Variants in MYLK4 observed in about 807,000 individuals in gnomAD.
MYLK4 encodes caMLCK like.
MYLK4 carries 46 observed loss-of-function variants against 48.1 expected under a neutral mutation model. The ratio of observed to expected loss-of-function variants is 0.96; its 90% CI spans 0.75 to 1.22. MYLK4 has a LOEUF of 1.22. Ranked by LOEUF, MYLK4 falls within the 50% of genes most tolerant of loss-of-function variation. The probability of loss-of-function intolerance (pLI) is 0.00; values close to 1 mark genes in which losing one functional copy is unlikely to be tolerated. For missense variants in MYLK4, 451 were observed against 486.1 expected (o/e 0.93, Z 0.68); for synonymous variants, 170 against 180.8 (o/e 0.94, Z 0.48).
At chr6:2,752,142 C>T (rs1471595980), upstream of MYLK4, among the ~76,000 whole-genome samples, 2 of 152,206 alleles carry the variant, frequency 1.3e-5, no homozygotes, top group Non-Finnish European at 2.9e-5. Flanking sequence ...CTCCAGCAAA[C>T]CAACCACAGG....
intron 3 of MYLK4, 39 bp from the exon 4 acceptor site, chr6:2,688,995 A>T (rs780029587): frequency 6.4e-7 from 1 of 1,558,718 alleles, no homozygotes. Flanking sequence ...TCTGTCAAGA[A>T]GTCTGACCTC....
At position 2,749,400 on chromosome 6, in the gene MYLK4, C is replaced by T. The variant is rs1764210302; in HGVS notation, c.-106G>A. 1.3e-5 allele frequency: 11 copies of T among 814,830 alleles called. No individual in the cohort carries two copies. The highest frequency in any genetic ancestry group is 2.1e-5 in the Non-Finnish European group (11 of 530,760). 50.5% of individuals were successfully genotyped at this position (814,830 alleles called of 1,614,324 possible). A position where few individuals can be genotyped will look rare whatever the true frequency, so the allele number is the denominator to read the frequency against. ...AATTATGACTCTTCAGTGCTTCTTTCTCTTGACTGCAAAGAAAGGAAACAC... is the reference window on the plus strand; with the variant it reads ...AATTATGACTCTTCAGTGCTTCTTTTTCTTGACTGCAAAGAAAGGAAACAC... On this transcript the variant is annotated 5_prime_UTR_variant, in exon 2 of 13. Coordinates refer to ENST00000274643, the MANE Select transcript of MYLK4 (RefSeq NM_001012418.5).
chr6:2,766,238 G>C, the MYLK4 span: 1 of 1,478,034 alleles, frequency 6.8e-7, no homozygotes, highest in Non-Finnish European at 9.0e-7. Context: ...CAGTGGCGGG[G>C]GCCGCCCGCA....
intron 2 of MYLK4, among the ~76,000 whole-genome samples, chr6:2,731,510 A>G (rs1363353386): frequency 6.6e-6 from 1 of 152,130 alleles, no homozygotes; most frequent in African/African-American, 2.4e-5. Context: ...AGTCCCTGCT[A>G]TCCTTCAGGT....
chr6:2,767,979 C>T, the MYLK4 span, among the ~76,000 whole-genome samples: 3 of 152,196 alleles, frequency 2.0e-5, no homozygotes, highest in African/African-American at 7.2e-5. Context: ...TTGTCACAGT[C>T]ATTAAACAGT....
At chr6:2,688,017 C>T (rs927791001) in intron 4 of MYLK4, among the ~76,000 whole-genome samples, 2 of 152,176 alleles carry the variant, frequency 1.3e-5, no homozygotes, top group African/African-American at 4.8e-5. Context: ...GGAAGCGGGT[C>T]CCTGATGGAC....
At chr6:2,703,541 C>T (rs1762375810) in intron 2 of MYLK4, among the ~76,000 whole-genome samples, 1 of 151,966 alleles carries the variant, frequency 6.6e-6, no homozygotes, top group African/African-American at 2.4e-5. Context: ...AGCCCAAGGA[C>T]ATTTTTCATG....
At chr6:2,744,010 G>A (rs981394579) in intron 2 of MYLK4, 30 of 398,898 alleles carry the variant, frequency 7.5e-5, no homozygotes, top group Non-Finnish European at 1.0e-4. Flanking sequence ...CAACCCAGAC[G>A]TCTTTTCTTC....
intron 2 of MYLK4, among the ~76,000 whole-genome samples, chr6:2,719,405 A>G (rs1247455974): frequency 6.6e-6 from 1 of 152,206 alleles, no homozygotes; most frequent in Non-Finnish European, 1.5e-5. Context: ...ATGTTTTATA[A>G]TAGTTCTTGA....
At chr6:2,761,230 A>C in the MYLK4 span, among the ~76,000 whole-genome samples, 3 of 152,150 alleles carry the variant, frequency 2.0e-5, no homozygotes. Flanking sequence ...ATAGTTACAC[A>C]CTTAAAAGTA....
Position 2,664,842 on chromosome 6 carries a change from C to T in MYLK4, c.*3083G>A, listed in dbSNP as rs1308938672. 6.6e-6 allele frequency: 1 copy of T among 152,190 alleles called. No homozygotes were observed. The highest frequency in any genetic ancestry group is 2.4e-5 in the African/African-American group (1 of 41,454). The allele number at this position is 152,190 out of a possible 1,614,324, so 9.4% of individuals were successfully genotyped here. ...CCCAAGTTAGTTCAGATGAGAGTCT[C>T]GTCCAAAGTTTGTAATGTAGCAAAT... is the stretch of plus-strand genomic sequence containing the variant. On this transcript the variant is annotated 3_prime_UTR_variant, in exon 13 of 13. Transcript: ENST00000274643.
rs1265227232 is a variant in MYLK4 at position 2,685,186 on chromosome 6, G to A, written c.545+110C>T. The A allele has an allele frequency of 2.7e-6, 2 of 750,202 alleles. No individual in the cohort carries two copies. The highest frequency in any genetic ancestry group is 2.4e-6 in the Non-Finnish European group (1 of 416,944). 46.5% of individuals were successfully genotyped at this position (750,202 alleles called of 1,614,324 possible). ...GTGATCCGCGCGAATCAGAGTCTGC[G>A]GGGGCGAGCTTGGTTCTGGTCCCGC... On this transcript the variant is annotated intron_variant, in intron 6 of 12. Transcript: ENST00000274643. The surrounding 1 kb of genome is among the most constrained non-coding windows in gnomAD (Gnocchi z 4.5).
intron 2 of MYLK4, among the ~76,000 whole-genome samples, chr6:2,748,368 T>C (rs1764171075): frequency 6.6e-6 from 1 of 152,208 alleles, no homozygotes; most frequent in Non-Finnish European, 1.5e-5. Context: ...AACCACCACA[T>C]GTGCTGGAAT....
Position 2,699,294 on chromosome 6 carries a change from T to TTC in MYLK4, c.160-6436_160-6435insGA, listed in dbSNP as rs1251145931. Among the ~76,000 whole-genome samples, 434 of 120,370 alleles carry TTC rather than the reference T, an allele frequency of 3.6e-3. 8 individuals carry two copies. The highest frequency in any genetic ancestry group is 0.013 in the African/African-American group (386 of 30,512). 79.0% of individuals were successfully genotyped at this position (120,370 alleles called of 152,430 possible). On this transcript the variant is annotated intron_variant, in intron 2 of 12. Coordinates refer to ENST00000274643, the MANE Select transcript of MYLK4 (RefSeq NM_001012418.5). ...CCACTTTTCTTTTCTTTTCTTTTTT[T>TTC]TTTTTTTTTTTTTTTGATATGGAGT... is the stretch of plus-strand genomic sequence containing the variant.
chr6:2,677,486 A>C (rs1171136063), intron 10 of MYLK4, among the ~76,000 whole-genome samples: 3 of 152,210 alleles, frequency 2.0e-5, no homozygotes, highest in African/African-American at 7.2e-5. Context: ...CTCAGGTATA[A>C]AGCCATCTGA....
rs1474596750 is a variant in MYLK4, at chr6:2,673,505, G to A, written c.1119+1542C>T. ...GTTCCATTCCAAAACCTCAGGAAAT[G>A]GAGAGGATGAGGAGCAAAGGTGGAA... On this transcript the variant is annotated intron_variant, in intron 11 of 12. Transcript: ENST00000274643. This position sits in a 1 kb window ranked among gnomAD's most constrained non-coding sequence, Gnocchi z 4.2. Among the ~76,000 whole-genome samples the A allele has an allele frequency of 1.3e-5, 2 of 152,178 alleles. No individual in the cohort carries two copies. The highest frequency in any genetic ancestry group is 2.4e-5 in the African/African-American group (1 of 41,462).
chr6:2,694,571 A>ATG (rs1761977657), intron 2 of MYLK4, among the ~76,000 whole-genome samples: 3 of 39,234 alleles, frequency 7.6e-5, no homozygotes, highest in Non-Finnish European at 1.0e-4. Context: ...TGGTAGTGGT[A>ATG]GTGCTGCTGG....
chr6:2,766,312 G>A, the MYLK4 span: 3 of 1,609,988 alleles, frequency 1.9e-6, no homozygotes, highest in Non-Finnish European at 2.5e-6. Context: ...TGGCCGACAC[G>A]ATGCGTCCTG....
intron 7 of MYLK4, among the ~76,000 whole-genome samples, chr6:2,682,350 G>A (rs920397333): frequency 2.4e-5 from 3 of 123,938 alleles, no homozygotes; most frequent in Admixed American, 9.0e-5. Flanking sequence ...CATACAGTCC[G>A]ATTCTAGGAA....
Sources: gnomAD v4.1 joint callset for allele counts (sites outside exome capture counted in the v4.1 genomes callset) on GRCh38, gnomAD v4.1.1 for gene constraint, Gnocchi (gnomAD v3.1) non-coding constraint, MANE v1.5 for transcripts, NCBI Gene and HGNC (gene_info 2026-07-23, HGNC 2026-07-21) for gene names.